Variants in SLC14A2 observed in about 807,000 individuals in gnomAD.
The protein encoded by SLC14A2 is urea transporter 2.
SLC14A2 carries 91 observed loss-of-function variants against 104.6 expected under a neutral mutation model. That is an observed-to-expected ratio of 0.87 (90% CI 0.73 to 1.04). The LOEUF is 1.04. SLC14A2 is among the 50% of genes least tolerant of loss of function. The pLI is 0.00. For missense variants in SLC14A2, 1,189 were observed against 1,156.0 expected, an observed-to-expected ratio of 1.03 and a Z score of -0.41; for synonymous variants, 476 against 466.4, an observed-to-expected ratio of 1.02 and a Z score of -0.27.
At chr18:45,281,233 T>C (rs2084759268) in intron 1 of SLC14A2, among the ~76,000 whole-genome samples, 1 of 152,212 alleles carries the variant, frequency 6.6e-6, no homozygotes, top group South Asian at 2.1e-4. Context: ...CCTGCTATTC[T>C]TGGAGTTTAC....
At chr18:45,379,484 C>T (rs972420609) in intron 1 of SLC14A2, among the ~76,000 whole-genome samples, 1 of 152,184 alleles carries the variant, frequency 6.6e-6, no homozygotes, top group Non-Finnish European at 1.5e-5. Flanking sequence ...ACCATTCCTC[C>T]TTCGACCTGG....
intron 1 of SLC14A2, among the ~76,000 whole-genome samples, chr18:45,444,378 G>A (rs2086730114): frequency 6.6e-6 from 1 of 152,150 alleles, no homozygotes; most frequent in African/African-American, 2.4e-5. Flanking sequence ...TCTGATCCTG[G>A]CTCAGACCCC....
At chr18:45,280,892 G>A (rs182141059) in intron 1 of SLC14A2, among the ~76,000 whole-genome samples, 17 of 152,090 alleles carry the variant, frequency 1.1e-4, no homozygotes, top group East Asian at 9.7e-4. Flanking sequence ...TCCCAGCATC[G>A]CTGTGCCTTT....
chr18:45,664,295 A>G (rs1403769779), intron 11 of SLC14A2, among the ~76,000 whole-genome samples: 4 of 152,204 alleles, frequency 2.6e-5, no homozygotes, highest in African/African-American at 9.7e-5. Context: ...CTAGAGATGA[A>G]CAGTTCCCAT....
chr18:45,610,584 G>A (rs1211579579), upstream of SLC14A2, among the ~76,000 whole-genome samples: 1 of 152,148 alleles, frequency 6.6e-6, no homozygotes, highest in Non-Finnish European at 1.5e-5. Flanking sequence ...GAAGGGGAAG[G>A]CATTCTAGAA....
intron 1 of SLC14A2, among the ~76,000 whole-genome samples, chr18:45,241,735 T>C (rs7240906): frequency 0.32 from 47,703 of 150,140 alleles, 8,371 homozygotes; most frequent in African/African-American, 0.48. Flanking sequence ...CCTATTTCTC[T>C]TGGATTCAAA....
At chr18:45,552,445 C>T (rs1346988268) in intron 2 of SLC14A2, among the ~76,000 whole-genome samples, 3 of 152,132 alleles carry the variant, frequency 2.0e-5, no homozygotes, top group African/African-American at 4.8e-5. Context: ...CCCCAACCCC[C>T]GTGTCCTCAA....
At chr18:45,554,748 C>G (rs941292705) in intron 2 of SLC14A2, among the ~76,000 whole-genome samples, 2 of 152,048 alleles carry the variant, frequency 1.3e-5, no homozygotes, top group Non-Finnish European at 2.9e-5. Context: ...GGTATAAGAC[C>G]AGTTCCAAGG....
chr18:45,475,652 T>G (rs55957341), intron 1 of SLC14A2, among the ~76,000 whole-genome samples: 96 of 40,994 alleles, frequency 2.3e-3, no homozygotes, highest in South Asian at 0.015. Flanking sequence ...GATATATATA[T>G]ATATATATAT....
At chr18:45,341,794 G>A (rs1236141796) in intron 1 of SLC14A2, among the ~76,000 whole-genome samples, 1 of 151,600 alleles carries the variant, frequency 6.6e-6, no homozygotes, top group Non-Finnish European at 1.5e-5. Flanking sequence ...CACCATGTTG[G>A]CCAGACTGAT....
At chr18:45,402,702 G>C (rs1034074830) in intron 1 of SLC14A2, among the ~76,000 whole-genome samples, 3 of 152,158 alleles carry the variant, frequency 2.0e-5, no homozygotes, top group Admixed American at 2.0e-4. Flanking sequence ...TGCCATTTTG[G>C]TTTATAAGAA....
intron 5 of SLC14A2, among the ~76,000 whole-genome samples, chr18:45,635,275 A>C (rs537299713): frequency 6.6e-6 from 1 of 152,336 alleles, no homozygotes; most frequent in South Asian, 2.1e-4. Flanking sequence ...GCTTTCATCT[A>C]TGGTACTAAA....
rs141875917 is a variant in SLC14A2 at position 45,408,440 on chromosome 18, G to A, written c.-124-74793G>A. 3.2e-3 allele frequency among the ~76,000 whole-genome samples: 490 copies of A among 152,158 alleles called. 4 individuals carry two copies. Among genetic ancestry groups the A allele is most frequent in the African/African-American group, 0.011 (466 of 41,520 alleles). On this transcript the variant is annotated intron_variant, in intron 1 of 20. Transcript: ENST00000586448. ...ATTTAATCCACCCTGAGTGAAGCTG[G>A]AACTGTAACACACCTTCCCTGAATA...
the SLC14A2 span, among the ~76,000 whole-genome samples, chr18:45,207,573 T>C: frequency 2.6e-5 from 4 of 152,104 alleles, no homozygotes; most frequent in African/African-American, 9.7e-5. Flanking sequence ...GAATCTAAAA[T>C]GGAAATTTCA....
At chr18:45,501,788 C>G (rs2043203240) in intron 2 of SLC14A2, among the ~76,000 whole-genome samples, 3 of 152,184 alleles carry the variant, frequency 2.0e-5, no homozygotes, top group Admixed American at 2.0e-4. Flanking sequence ...GGCAGAGCTA[C>G]ATCTTCCCAT....
In SLC14A2 at chr18:45,637,159, T is replaced by C. The variant is rs1488535337; in HGVS notation, c.820T>C (p.Trp274Arg). Reference sequence around the variant, plus strand: ...TGTGTCTTCAGTGCCCAATATCACCTGGACAGAGATGGAAATGCCCCTGGT... The same window carrying C: ...TGTGTCTTCAGTGCCCAATATCACCCGGACAGAGATGGAAATGCCCCTGGT... ...EPVSSVPNIT[W>R]TEMEMPLLLQ... The change falls in exon 6 of 20, where the codon TGG becomes CGG. Residue 274 changes from tryptophan (W) to arginine (R), a missense_variant. Physicochemically the swap from Trp to Arg is moderately radical, Grantham distance 101. Coordinates refer to ENST00000255226, the MANE Select transcript of SLC14A2 (RefSeq NM_007163.4). The C allele has an allele frequency of 6.2e-7, 1 of 1,613,964 alleles. No individual in the cohort carries two copies. The highest frequency in any genetic ancestry group is 1.3e-5 in the African/African-American group (1 of 74,920).
intron 2 of SLC14A2, among the ~76,000 whole-genome samples, chr18:45,563,614 T>G (rs1372993068): frequency 2.0e-5 from 3 of 152,204 alleles, no homozygotes; most frequent in African/African-American, 7.2e-5. Context: ...TCTCTTTAAA[T>G]GACTATAATT....
intron 1 of SLC14A2, among the ~76,000 whole-genome samples, chr18:45,417,372 A>G (rs921733771): frequency 6.6e-6 from 1 of 152,200 alleles, no homozygotes; most frequent in African/African-American, 2.4e-5. Context: ...AGAACTGCCC[A>G]AGACTGGGTA....
At chr18:45,605,964 A>C (rs1357088419) in intron 2 of SLC14A2, among the ~76,000 whole-genome samples, 1 of 152,320 alleles carries the variant, frequency 6.6e-6, no homozygotes, top group Non-Finnish European at 1.5e-5. Flanking sequence ...CGGGGTATTG[A>C]GTTCCATACT....
Sources: allele counts gnomAD v4.1 joint callset (sites outside exome capture counted in the v4.1 genomes callset), GRCh38; gene constraint gnomAD v4.1.1; transcripts MANE v1.5; gene names NCBI Gene and HGNC (gene_info 2026-07-23, HGNC 2026-07-21).